Variants in ARID1B observed in about 807,000 individuals in gnomAD.
ARID1B encodes the protein AT-rich interaction domain 1B.
In ARID1B, 30 loss-of-function variants were observed where a neutral mutation model predicts 212.3. That is an observed-to-expected ratio of 0.14 (90% CI 0.11 to 0.19). The LOEUF is 0.19. Ranked by LOEUF, ARID1B falls within the 10% of genes least tolerant of loss-of-function variation. The probability of loss-of-function intolerance (pLI) is 1.00; values close to 1 mark genes in which losing one functional copy is unlikely to be tolerated. For synonymous variants in ARID1B, 1,402 were observed against 1,301.7 expected, an observed-to-expected ratio of 1.08 and a Z score of -1.66; for missense variants, 2,891 against 3,204.0, an observed-to-expected ratio of 0.90 and a Z score of 2.36.
At chr6:156,995,546 A>G (rs772942827) in intron 4 of ARID1B, among the ~76,000 whole-genome samples, 13 of 152,218 alleles carry the variant, frequency 8.5e-5, no homozygotes, top group Non-Finnish European at 1.2e-4. Flanking sequence ...AGCCCAGGGT[A>G]CTGTACTAGG....
chr6:157,172,782 T>C (rs967922528), intron 9 of ARID1B: 1 of 152,142 alleles, frequency 6.6e-6, no homozygotes, highest in African/African-American at 2.4e-5. Context: ...TAGTGGGCAA[T>C]CTGCGGAGCC....
At chr6:156,785,462 C>T (rs1458776699) in intron 1 of ARID1B, among the ~76,000 whole-genome samples, 1 of 152,130 alleles carries the variant, frequency 6.6e-6, no homozygotes, top group Non-Finnish European at 1.5e-5. Context: ...AGAAGAAATC[C>T]TGGACCATAA....
intron 9 of ARID1B, 68 bp from the exon 10 acceptor site, chr6:157,173,940 T>TG: frequency 7.3e-7 from 1 of 1,362,768 alleles, no homozygotes; most frequent in Admixed American, 1.8e-5. Flanking sequence ...CTGTAACTTG[T>TG]GTTGGCAGGA....
At chr6:156,907,536 A>C (rs1275896336) in intron 3 of ARID1B, among the ~76,000 whole-genome samples, 3 of 152,138 alleles carry the variant, frequency 2.0e-5, no homozygotes, top group Non-Finnish European at 4.4e-5. Context: ...AGGTTTCTTG[A>C]ATCAGAAATT....
At chr6:156,945,835 C>G (rs564281342) in intron 4 of ARID1B, among the ~76,000 whole-genome samples, 1 of 152,072 alleles carries the variant, frequency 6.6e-6, no homozygotes, top group South Asian at 2.1e-4. Flanking sequence ...TGGTGAAACC[C>G]CATCTTCACT....
At chr6:156,998,456 C>T (rs1231613656) in intron 4 of ARID1B, among the ~76,000 whole-genome samples, 4 of 152,158 alleles carry the variant, frequency 2.6e-5, no homozygotes, top group Non-Finnish European at 5.9e-5. Flanking sequence ...ATCTCCTGAC[C>T]TCGTGATCCA....
intron 1 of ARID1B, among the ~76,000 whole-genome samples, chr6:156,792,182 C>CT (rs1402424511): frequency 6.6e-6 from 1 of 152,134 alleles, no homozygotes; most frequent in Admixed American, 6.5e-5. Flanking sequence ...ACCTACATTT[C>CT]TTTATTTGAG....
At chr6:157,151,174 A>AT (rs1790172251) in intron 8 of ARID1B, 1 of 152,314 alleles carries the variant, frequency 6.6e-6, no homozygotes, top group Non-Finnish European at 1.5e-5. Flanking sequence ...TGTCGAAGAC[A>AT]TGATGTCACC....
chr6:157,149,881 A>G (rs1408202035), intron 8 of ARID1B: 7 of 152,182 alleles, frequency 4.6e-5, no homozygotes, highest in Non-Finnish European at 8.8e-5. Flanking sequence ...TGAAGCTGCT[A>G]TCTGGGGAAT....
rs577488442 is a variant in ARID1B at position 157,065,391 on chromosome 6, A to G, written c.2248-19271A>G. Among the ~76,000 whole-genome samples the G allele has an allele frequency of 2.0e-5, 3 of 152,364 alleles. No homozygotes were observed. The South Asian group carries it at 6.2e-4, about 32-fold the overall frequency. ...TATGTGTATGCCTGTGAATTCGTTA[A>G]TATAAATGATGATGATATTGTGGTT... On this transcript the variant is annotated intron_variant, in intron 4 of 19. Transcript: ENST00000636930.
At chr6:157,040,456 A>T in intron 4 of ARID1B, among the ~76,000 whole-genome samples, 1 of 152,158 alleles carries the variant, frequency 6.6e-6, no homozygotes. Context: ...TTTAGTGATG[A>T]TCTTTAATGA....
chr6:157,109,293 T>C (rs1786723504), intron 5 of ARID1B, among the ~76,000 whole-genome samples: 2 of 152,216 alleles, frequency 1.3e-5, no homozygotes, highest in Non-Finnish European at 2.9e-5. Context: ...TTTTTTTCTT[T>C]ATTATTTGTA....
At chr6:156,902,668 C>T (rs998447418) in intron 3 of ARID1B, among the ~76,000 whole-genome samples, 16 of 136,370 alleles carry the variant, frequency 1.2e-4, no homozygotes, top group South Asian at 2.4e-4. Context: ...ACCCGGGAGG[C>T]GGAGGTTGCA....
chr6:156,788,600 G>A (rs1465825617), intron 1 of ARID1B, among the ~76,000 whole-genome samples: 1 of 152,072 alleles, frequency 6.6e-6, no homozygotes. Flanking sequence ...GGAGATTTTG[G>A]GTGCTAGACT....
At chr6:157,126,307 C>T (rs1255000811) in intron 6 of ARID1B, among the ~76,000 whole-genome samples, 1 of 152,084 alleles carries the variant, frequency 6.6e-6, no homozygotes, top group African/African-American at 2.4e-5. Flanking sequence ...CACAAAGGAG[C>T]CTGTGGACCC....
intron 11 of ARID1B, among the ~76,000 whole-genome samples, chr6:157,177,980 C>T (rs7750732): frequency 0.061 from 9,357 of 152,196 alleles, 726 homozygotes; most frequent in African/African-American, 0.17. Context: ...AGAGTGATAA[C>T]GTACATGCTC....
At chr6:156,989,711 A>G (rs955180723) in intron 4 of ARID1B, among the ~76,000 whole-genome samples, 1 of 152,322 alleles carries the variant, frequency 6.6e-6, no homozygotes, top group South Asian at 2.1e-4. Context: ...TGACTTCAGT[A>G]TTGAAATTAG....
At chr6:156,827,146 T>C (rs1387045527) in intron 1 of ARID1B, among the ~76,000 whole-genome samples, 1 of 152,160 alleles carries the variant, frequency 6.6e-6, no homozygotes, top group Non-Finnish European at 1.5e-5. Flanking sequence ...TCTCTACCTA[T>C]TTTTCCAGGT....
intron 4 of ARID1B, among the ~76,000 whole-genome samples, chr6:157,057,725 T>A (rs1310662235): frequency 1.3e-5 from 2 of 152,204 alleles, no homozygotes; most frequent in Non-Finnish European, 2.9e-5. Context: ...GCCGAAAATT[T>A]AAAAACGTAT....
Sources: gnomAD v4.1 joint callset for allele counts (sites outside exome capture counted in the v4.1 genomes callset) on GRCh38, gnomAD v4.1.1 for gene constraint, MANE v1.5 for transcripts, NCBI Gene and HGNC (gene_info 2026-07-23, HGNC 2026-07-21) for gene names.